PLCB4: variants seen among roughly 807,000 people sequenced by gnomAD.
PLCB4 encodes the protein phospholipase C beta 4.
In PLCB4, 77 loss-of-function variants were observed where a neutral mutation model predicts 178.8. That is an observed-to-expected ratio of 0.43 (90% confidence interval 0.36 to 0.52). The LOEUF (loss-of-function observed/expected upper bound fraction) is 0.52. Among genes scored for constraint, PLCB4 ranks in the 20% least tolerant of loss-of-function variants. The pLI, the probability that PLCB4 is intolerant of heterozygous loss-of-function variation, is 0.00. For synonymous variants in PLCB4, 496 were observed against 490.8 expected, an observed-to-expected ratio of 1.01 and a Z score of -0.14; for missense variants, 1,024 against 1,453.4, an observed-to-expected ratio of 0.70 and a Z score of 4.80.
chr20:9,451,288 A>C (rs1012304613), intron 32 of PLCB4, among the ~76,000 whole-genome samples: 1 of 152,156 alleles, frequency 6.6e-6, no homozygotes, highest in African/African-American at 2.4e-5. Context: ...TAGGAAAAAA[A>C]TCTGTGTCAA....
At chr20:9,202,042 A>G (rs2093553472) in intron 2 of PLCB4, among the ~76,000 whole-genome samples, 1 of 152,178 alleles carries the variant, frequency 6.6e-6, no homozygotes, top group Admixed American at 6.5e-5. Context: ...ATAAAATACT[A>G]CTCAGCAGTA....
At chr20:9,303,346 C>T (rs1010314962) in intron 3 of PLCB4, among the ~76,000 whole-genome samples, 11 of 152,168 alleles carry the variant, frequency 7.2e-5, no homozygotes, top group Non-Finnish European at 1.6e-4. Context: ...CACATTCCCC[C>T]TACCCTCAGC....
intron 4 of PLCB4, among the ~76,000 whole-genome samples, chr20:9,336,499 T>C (rs1231552550): frequency 6.6e-6 from 1 of 152,142 alleles, no homozygotes; most frequent in African/African-American, 2.4e-5. Context: ...CTAGAGGGCT[T>C]GTTGGAACAC....
intron 9 of PLCB4, chr20:9,370,999 T>C (rs1401426009): frequency 4.3e-6 from 2 of 470,294 alleles, no homozygotes; most frequent in South Asian, 3.6e-5. Flanking sequence ...TGGTCTTAGA[T>C]TCAAGTTGCA....
chr20:9,415,933 G>C (rs1402463191), intron 25 of PLCB4, among the ~76,000 whole-genome samples: 2 of 152,116 alleles, frequency 1.3e-5, no homozygotes, highest in Non-Finnish European at 2.9e-5. Context: ...GATATGAGAG[G>C]CAACCTCTGC....
chr20:9,398,627 AC>A (rs2038788517), intron 19 of PLCB4, among the ~76,000 whole-genome samples: 1 of 152,142 alleles, frequency 6.6e-6, no homozygotes, highest in African/African-American at 2.4e-5. Flanking sequence ...CGTTGTACCA[AC>A]AGTGGACCAG....
At chr20:9,256,214 T>A (rs1366925228) in intron 3 of PLCB4, among the ~76,000 whole-genome samples, 1 of 152,142 alleles carries the variant, frequency 6.6e-6, no homozygotes, top group Non-Finnish European at 1.5e-5. Context: ...TGTAACAAGA[T>A]CAGAGGTAGG....
intron 4 of PLCB4, among the ~76,000 whole-genome samples, chr20:9,327,407 G>A (rs115553065): frequency 0.024 from 3,684 of 151,156 alleles, 124 homozygotes; most frequent in African/African-American, 0.078. Flanking sequence ...ATTGTACCAG[G>A]AGTTTGAAGC....
chr20:9,310,134 A>C (rs764479730), intron 4 of PLCB4, among the ~76,000 whole-genome samples: 4 of 152,158 alleles, frequency 2.6e-5, no homozygotes, highest in Non-Finnish European at 5.9e-5. Flanking sequence ...CTCCTATAAG[A>C]CTCAGTTCTT....
chr20:9,389,870 T>C lies in PLCB4; in HGVS notation c.1159-9T>C, dbSNP rs764343970. 2.7e-6 allele frequency: 4 copies of C among 1,503,886 alleles called. No homozygotes were observed. In the South Asian group the frequency reaches 4.6e-5, roughly 17 times the overall value. The allele number at this position is 1,503,886 out of a possible 1,614,324, so 93.2% of individuals were successfully genotyped here. Reference sequence around the variant, plus strand: ...TTTCTCTCATTAACGTTTTTTTTTGTTTTTAAAGGATGTAATTCAAGCCAT... The same window carrying C: ...TTTCTCTCATTAACGTTTTTTTTTGCTTTTAAAGGATGTAATTCAAGCCAT... On this transcript the variant is annotated splice_polypyrimidine_tract_variant and intron_variant, in intron 15 of 39. Transcript: ENST00000378473.
intron 28 of PLCB4, among the ~76,000 whole-genome samples, chr20:9,430,730 A>G (rs1478812502): frequency 6.6e-6 from 1 of 152,204 alleles, no homozygotes; most frequent in South Asian, 2.1e-4. Flanking sequence ...GACAAACAAG[A>G]CAATATGTGG....
chr20:9,165,721 C>A (rs1173984178), intron 2 of PLCB4, among the ~76,000 whole-genome samples: 1 of 151,960 alleles, frequency 6.6e-6, no homozygotes, highest in Non-Finnish European at 1.5e-5. Flanking sequence ...TTTACATTCT[C>A]TGAGCATTTT....
chr20:9,339,052 A>G lies in PLCB4; in HGVS notation c.369+15A>G, dbSNP rs749991616. 4.2e-5 allele frequency: 67 copies of G among 1,604,834 alleles called. No individual in the cohort carries two copies. ...AAGTAACTAAGGTAGCTTCAGTTAAATGGCCTCCTTCTCTTCCCCACCATG... is the reference window on the plus strand; with the variant it reads ...AAGTAACTAAGGTAGCTTCAGTTAAGTGGCCTCCTTCTCTTCCCCACCATG... On this transcript the variant is annotated intron_variant, in intron 7 of 39. Coordinates refer to ENST00000378473, the MANE Select transcript of PLCB4 (RefSeq NM_001377142.1).
At position 9,453,403 on chromosome 20, in the gene PLCB4, G is replaced by T; in HGVS notation, c.2937G>T (p.Gln979His). The change falls in exon 33 of 40, where the codon CAG becomes CAT. Residue 979 changes from glutamine (Q) to histidine (H), a missense_variant. Physicochemically the swap from Gln to His is conservative, Grantham distance 24. This residue lies in a region of PLCB4 where 264 missense variants were observed against 283.2 expected (regional missense o/e 0.93). Transcript: ENST00000378473. Reference sequence around the variant, plus strand: ...CGCAAGTTGACAAAATTGTGGCACAGTATGACAAAGAGAAGTCGACTCATG... The same window carrying T: ...CGCAAGTTGACAAAATTGTGGCACATTATGACAAAGAGAAGTCGACTCATG... ...HCTQVDKIVAQYDKEKSTHEK... is the reference protein window; with the variant it reads ...HCTQVDKIVAHYDKEKSTHEK... The T allele has an allele frequency of 6.2e-7, 1 of 1,613,144 alleles. No individual in the cohort carries two copies. The highest frequency in any genetic ancestry group is 8.5e-7 in the Non-Finnish European group (1 of 1,179,476).
chr20:9,401,371 A>G (rs1264731111), intron 19 of PLCB4, 119 bp from the exon 20 acceptor site: 6 of 678,844 alleles, frequency 8.8e-6, no homozygotes, highest in African/African-American at 1.8e-5. Flanking sequence ...CAATGTCCCC[A>G]TTTTCTTTTA....
intron 2 of PLCB4, among the ~76,000 whole-genome samples, chr20:9,115,847 T>G (rs878990509): frequency 6.6e-6 from 1 of 152,056 alleles, no homozygotes; most frequent in Admixed American, 6.6e-5. Flanking sequence ...TTTCATATAA[T>G]TATATTTTAA....
At chr20:9,196,461 C>T (rs1009074395) in intron 2 of PLCB4, among the ~76,000 whole-genome samples, 1 of 152,148 alleles carries the variant, frequency 6.6e-6, no homozygotes, top group Non-Finnish European at 1.5e-5. Context: ...TCCTTGCAAG[C>T]TCGATAGTGA....
chr20:9,356,366 T>A (rs952789235), intron 7 of PLCB4, among the ~76,000 whole-genome samples: 50 of 152,244 alleles, frequency 3.3e-4, no homozygotes, highest in African/African-American at 1.2e-3. Flanking sequence ...GGTGGTGATT[T>A]ATCTACAGTC....
At chr20:9,359,395 A>G (rs766003189) in intron 7 of PLCB4, among the ~76,000 whole-genome samples, 3 of 152,200 alleles carry the variant, frequency 2.0e-5, no homozygotes, top group Non-Finnish European at 4.4e-5. Context: ...ATTCAGCACA[A>G]GCCCTCAAGT....
Sources: allele counts gnomAD v4.1 joint callset (sites outside exome capture counted in the v4.1 genomes callset), GRCh38; gene constraint gnomAD v4.1.1; regional missense constraint gnomAD v4.1.1; transcripts MANE v1.5; gene names NCBI Gene and HGNC (gene_info 2026-07-23, HGNC 2026-07-21).